The following NAT10 variants were observed in gnomAD, a reference collection of about 807,000 sequenced individuals.
The protein encoded by NAT10 is N-acetyltransferase 10, also known as RNA cytidine acetyltransferase.
NAT10 carries 109 observed loss-of-function variants against 132.2 expected under a neutral mutation model. The observed-to-expected ratio is 0.82, with a 90% CI of 0.71 to 0.97. NAT10 has a LOEUF of 0.97. Among genes scored for constraint, NAT10 ranks in the 50% least tolerant of loss-of-function variants. The pLI is 0.00. For synonymous variants in NAT10, 479 were observed against 478.0 expected, an observed-to-expected ratio of 1.00 and a Z score of -0.03; for missense variants, 1,184 against 1,263.4, an observed-to-expected ratio of 0.94 and a Z score of 0.95.
intron 11 of NAT10, 145 bp downstream of exon 11, chr11:34,124,545 TC>T: frequency 2.0e-6 from 1 of 488,664 alleles, no homozygotes; most frequent in Non-Finnish European, 3.5e-6. Flanking sequence ...CTAAACCTGT[TC>T]CAGATTTTCA....
At chr11:34,119,322 G>A (rs1214588860) in intron 8 of NAT10, among the ~76,000 whole-genome samples, 2 of 152,240 alleles carry the variant, frequency 1.3e-5, no homozygotes, top group African/African-American at 2.4e-5. Context: ...AGCAGCATGG[G>A]TCGCTGCCCT....
Position 34,141,154 on chromosome 11 carries a change from G to A in NAT10, c.2658G>A (p.Leu886=), listed in dbSNP as rs1438465428. 6.2e-7 allele frequency: 1 copy of A among 1,614,018 alleles called. No individual in the cohort carries two copies. Among genetic ancestry groups the A allele is most frequent in the Non-Finnish European group, 8.5e-7 (1 of 1,180,000 alleles). The stretch of plus-strand genomic sequence containing the variant: ...ACCAGCTGGAAAAGGAGATTGAGCT[G>A]CCCTCGGGCCAGTTGATGGGACTTT... The part of the protein sequence containing the change: ...SVDQLEKEIE[L]PSGQLMGLFN... Residue 886 remains leucine (L), a synonymous_variant, in exon 25 of 29, where the codon CTG becomes CTA. Transcript: ENST00000257829.
At chr11:34,145,958 T>C in intron 28 of NAT10, 126 bp from the exon 29 acceptor site, 1 of 640,706 alleles carries the variant, frequency 1.6e-6, no homozygotes. Flanking sequence ...TAATGTCCAA[T>C]TGGGTGGCCT....
At position 34,132,124 on chromosome 11, in the gene NAT10, G is replaced by C. The variant is rs1397072418; in HGVS notation, c.1521-1G>C. ...TTTTGGTTTCTTAACTCCAGACCCAGGTACTATGTTAATAGAGATACCCTC... is the reference window on the plus strand; with the variant it reads ...TTTTGGTTTCTTAACTCCAGACCCACGTACTATGTTAATAGAGATACCCTC... On this transcript the variant is annotated splice_acceptor_variant, in intron 14 of 28. Coordinates refer to ENST00000257829, the MANE Select transcript of NAT10 (RefSeq NM_024662.3). LOFTEE classifies it high-confidence loss of function. 3 of 1,611,582 alleles carry C rather than the reference G, an allele frequency of 1.9e-6. No individual in the cohort carries two copies. The highest frequency in any genetic ancestry group is 2.5e-6 in the Non-Finnish European group (3 of 1,177,838).
chr11:34,140,281 G>A, intron 23 of NAT10, 119 bp from the exon 24 acceptor site: 3 of 976,958 alleles, frequency 3.1e-6, no homozygotes, highest in Non-Finnish European at 4.6e-6. Context: ...GGGCTGTGTG[G>A]TATGGCTGCC....
chr11:34,132,253 G>T lies in NAT10; in HGVS notation c.1617+32G>T, dbSNP rs777725761. ...GCAGCTAGCCCTTGTGTGAATGGTAGCAGGGAGCTTCAGCATTTGGCAGTC... is the reference window on the plus strand; with the variant it reads ...GCAGCTAGCCCTTGTGTGAATGGTATCAGGGAGCTTCAGCATTTGGCAGTC... On this transcript the variant is annotated intron_variant, in intron 15 of 28. Transcript: ENST00000257829. The T allele has an allele frequency of 2.6e-6, 4 of 1,545,244 alleles. No individual in the cohort carries two copies. The Admixed American group carries it at 6.7e-5, about 26-fold the overall frequency.
Position 34,139,236 on chromosome 11 carries a change from A to T in NAT10, c.2257A>T (p.Thr753Ser). Residue 753 changes from threonine (T) to serine (S), a missense_variant, in exon 22 of 29, where the codon ACT becomes TCT. Coordinates refer to ENST00000257829, the MANE Select transcript of NAT10 (RefSeq NM_024662.3). ...EHSCIMLKTLTDEDEADQGGW... is the reference protein window; with the variant it reads ...EHSCIMLKTLSDEDEADQGGW... ...CTCGTGCATCATGCTGAAGACGCTC[A>T]CTGATGAGGATGAGGCTGACCAGGG... 1 of 1,614,042 alleles carries T rather than the reference A, an allele frequency of 6.2e-7. No homozygotes were observed. The highest frequency in any genetic ancestry group is 8.5e-7 in the Non-Finnish European group (1 of 1,179,972).
Position 34,141,117 on chromosome 11 carries a change from A to C in NAT10, c.2621A>C (p.His874Pro). Residue 874 changes from histidine to proline, a missense_variant, in exon 25 of 29, where the codon CAT becomes CCT. By Grantham distance (77) the His-to-Pro change is moderately conservative. Transcript: ENST00000257829. Reference protein sequence around the residue: ...SALLLGIGLQHKSVDQLEKEI... With the variant: ...SALLLGIGLQPKSVDQLEKEI... The stretch of plus-strand genomic sequence containing the variant: ...CTTCTCTTGGGGATTGGCCTGCAGC[A>C]TAAGTCTGTGGACCAGCTGGAAAAG... 1 of 1,614,044 alleles carries C rather than the reference A, an allele frequency of 6.2e-7. No homozygotes were observed. The highest frequency in any genetic ancestry group is 1.1e-5 in the South Asian group (1 of 91,074).
chr11:34,142,433 C>A, intron 27 of NAT10, 85 bp downstream of exon 27: 1 of 1,188,684 alleles, frequency 8.4e-7, no homozygotes, highest in Admixed American at 1.9e-5. Context: ...TCATATCCCA[C>A]GTGCCCTGGA....
chr11:34,122,618 T>C, intron 9 of NAT10, 26 bp downstream of exon 9: 1 of 1,612,370 alleles, frequency 6.2e-7, no homozygotes, highest in East Asian at 2.2e-5. Flanking sequence ...CCCCCATCTT[T>C]AGGAACTCTG....
intron 9 of NAT10, among the ~76,000 whole-genome samples, 176 bp downstream of exon 9, chr11:34,122,768 A>C (rs1351255255): frequency 6.6e-6 from 1 of 152,130 alleles, no homozygotes; most frequent in African/African-American, 2.4e-5. Flanking sequence ...TGTTTCCCCA[A>C]CCCACCCTAA....
chr11:34,111,758 A>T (rs932153453), intron 3 of NAT10, among the ~76,000 whole-genome samples: 1 of 152,258 alleles, frequency 6.6e-6, no homozygotes, highest in Admixed American at 6.5e-5. Flanking sequence ...GCTTTGGCCA[A>T]ATGTGAGGGT....
chr11:34,118,579 C>A, intron 8 of NAT10, 76 bp downstream of exon 8: 2 of 1,223,936 alleles, frequency 1.6e-6, no homozygotes, highest in Non-Finnish European at 2.3e-6. Flanking sequence ...AGCCAAGGTA[C>A]GTTGACTCAA....
chr11:34,141,340 C>G (rs11032530), intron 25 of NAT10, 132 bp downstream of exon 25: 136,596 of 1,284,828 alleles, frequency 0.11, 9,064 homozygotes, highest in East Asian at 0.25. Context: ...CACACACACA[C>G]ACACACAAAT....
chr11:34,134,626 C>T (rs569356304), intron 18 of NAT10, 40 bp downstream of exon 18: 37 of 1,544,756 alleles, frequency 2.4e-5, no homozygotes, highest in South Asian at 5.5e-5. Flanking sequence ...GTGTTGCTGG[C>T]GGTGCTTTAG....
chr11:34,130,250 A>G (rs781482458), intron 12 of NAT10, among the ~76,000 whole-genome samples: 1 of 152,188 alleles, frequency 6.6e-6, no homozygotes, highest in Non-Finnish European at 1.5e-5. Context: ...TTTTCTCAAC[A>G]TTTTTTAGCT....
chr11:34,136,541 T>C (rs897079309), intron 19 of NAT10, 101 bp from the exon 20 acceptor site: 2 of 1,419,164 alleles, frequency 1.4e-6, no homozygotes, highest in South Asian at 2.6e-5. Context: ...CCTCTCCCAG[T>C]TTTTGTTGTG....
At chr11:34,118,616 ACTTT>A (rs1851828068) in intron 8 of NAT10, 113 bp downstream of exon 8, 3 of 744,146 alleles carry the variant, frequency 4.0e-6, no homozygotes, top group African/African-American at 1.8e-5. Context: ...GGAGAAGGGG[ACTTT>A]TCCCCTTGCT....
At chr11:34,127,666 G>A in intron 12 of NAT10, 67 bp downstream of exon 12, 1 of 1,540,208 alleles carries the variant, frequency 6.5e-7, no homozygotes. Flanking sequence ...GGCATGTAGT[G>A]GATGTGGCCT....
Sources: gnomAD v4.1 joint callset for allele counts (sites outside exome capture counted in the v4.1 genomes callset) on GRCh38, gnomAD v4.1.1 for gene constraint, MANE v1.5 for transcripts, NCBI Gene and HGNC (gene_info 2026-07-23, HGNC 2026-07-21) for gene names.